GNB4: variants seen among roughly 807,000 people sequenced by gnomAD.
GNB4 encodes guanine nucleotide-binding protein subunit beta-4.
A neutral mutation model predicts 45.2 loss-of-function variants in GNB4; 28 were observed. The ratio of observed to expected loss-of-function variants is 0.62; its 90% CI spans 0.46 to 0.85. The LOEUF (loss-of-function observed/expected upper bound fraction) is 0.85, where lower values mean the gene tolerates loss of function less well. Among genes scored for constraint, GNB4 ranks in the 40% least tolerant of loss-of-function variants. The pLI, the probability that GNB4 is intolerant of heterozygous loss-of-function variation, is 0.00. For missense variants in GNB4, 321 were observed against 425.4 expected, an observed-to-expected ratio of 0.75 and a Z score of 2.16; for synonymous variants, 132 against 143.7, an observed-to-expected ratio of 0.92 and a Z score of 0.58.
the GNB4 span, among the ~76,000 whole-genome samples, chr3:179,515,421 G>A: frequency 1.3e-5 from 2 of 152,186 alleles, no homozygotes; most frequent in African/African-American, 4.8e-5. Context: ...AGGGAGATAG[G>A]GGTGGGGCTG....
the GNB4 span, among the ~76,000 whole-genome samples, chr3:179,519,194 C>T: frequency 6.6e-6 from 1 of 152,242 alleles, no homozygotes; most frequent in African/African-American, 2.4e-5. Flanking sequence ...GGATTCCTCC[C>T]AAGCCATGTG....
chr3:179,438,221 AC>A (rs1384004279), intron 1 of GNB4, among the ~76,000 whole-genome samples: 1 of 152,238 alleles, frequency 6.6e-6, no homozygotes, highest in East Asian at 1.9e-4. Context: ...TCTCAAAACA[AC>A]CTCAGAAGGT....
the GNB4 span, among the ~76,000 whole-genome samples, chr3:179,467,489 CTG>C: frequency 6.6e-6 from 1 of 152,114 alleles, no homozygotes; most frequent in African/African-American, 2.4e-5. Context: ...ACACTAGACT[CTG>C]GGGATTACAG....
intron 1 of GNB4, among the ~76,000 whole-genome samples, chr3:179,438,171 G>A (rs1003214375): frequency 6.6e-6 from 1 of 152,142 alleles, no homozygotes; most frequent in Admixed American, 6.5e-5. Context: ...CATTTATTAC[G>A]TGTATGTACA....
At chr3:179,471,110 C>A in the GNB4 span, among the ~76,000 whole-genome samples, 1 of 150,500 alleles carries the variant, frequency 6.6e-6, no homozygotes, top group Non-Finnish European at 1.5e-5. Context: ...ACCCAGGAGG[C>A]GGAGCTTGCA....
intron 2 of GNB4, among the ~76,000 whole-genome samples, chr3:179,425,939 G>T (rs924188687): frequency 6.6e-6 from 1 of 152,180 alleles, no homozygotes; most frequent in Admixed American, 6.5e-5. Flanking sequence ...TTCTACATAG[G>T]TACTTGTTCG....
chr3:179,450,956 C>G (rs1005823677), intron 1 of GNB4: 1 of 152,260 alleles, frequency 6.6e-6, no homozygotes, highest in South Asian at 2.1e-4. Flanking sequence ...CCCGAATACC[C>G]GTTATTTTGG....
In GNB4 at chr3:179,399,631, TAATA is replaced by T. The variant is rs1714225164; in HGVS notation, c.*1578_*1581del. On this transcript the variant is annotated 3_prime_UTR_variant, in exon 10 of 10. Coordinates refer to ENST00000232564, the MANE Select transcript of GNB4 (RefSeq NM_021629.4). ...TATTATTCTAATTGTCAACTGATTT[TAATA>T]AAACTGATACATCTTTACAGTTGAT... 6.6e-6 allele frequency: 1 copy of T among 152,360 alleles called. No individual in the cohort carries two copies. Among genetic ancestry groups the T allele is most frequent in the South Asian group, 2.1e-4 (1 of 4,830 alleles). 9.4% of individuals were successfully genotyped at this position (152,360 alleles called of 1,614,324 possible).
At chr3:179,465,579 A>G in the GNB4 span, among the ~76,000 whole-genome samples, 1 of 152,036 alleles carries the variant, frequency 6.6e-6, no homozygotes, top group African/African-American at 2.4e-5. Flanking sequence ...ATTTTTTAAG[A>G]GTTTGAGTTA....
chr3:179,404,806 A>G (rs6804994), intron 9 of GNB4, among the ~76,000 whole-genome samples: 24 of 152,286 alleles, frequency 1.6e-4, no homozygotes, highest in African/African-American at 5.8e-4. Context: ...GGCTAAGGGA[A>G]GCGACAGGTC....
chr3:179,459,171 AC>A, the GNB4 span, among the ~76,000 whole-genome samples: 3 of 152,090 alleles, frequency 2.0e-5, no homozygotes, highest in Non-Finnish European at 4.4e-5. Context: ...ACTCTTCCCA[AC>A]CCCCCATCTT....
In GNB4 at chr3:179,449,157, C is replaced by T. The variant is rs112363420; in HGVS notation, c.-43+2189G>A. 3.2e-3 allele frequency among the ~76,000 whole-genome samples: 491 copies of T among 152,266 alleles called. 8 individuals are homozygous for T. The highest frequency in any genetic ancestry group is 0.011 in the African/African-American group (462 of 41,538). ...TCATATCCCAAAATTGACCGCAATC[C>T]TGTTTGTAACCTTCCAAATTAGTTA... On this transcript the variant is annotated intron_variant, in intron 1 of 9. Transcript: ENST00000232564.
chr3:179,447,640 G>A (rs368007852), intron 1 of GNB4, among the ~76,000 whole-genome samples: 1 of 152,166 alleles, frequency 6.6e-6, no homozygotes, highest in Non-Finnish European at 1.5e-5. Context: ...CAAACCAGTT[G>A]GGGGGCTCCT....
chr3:179,522,470 C>T, the GNB4 span, among the ~76,000 whole-genome samples: 45 of 142,870 alleles, frequency 3.1e-4, no homozygotes, highest in Admixed American at 2.3e-3. Context: ...TCTCTTCGCA[C>T]GGACGCGAGT....
At chr3:179,413,157 G>A (rs184043214) in intron 8 of GNB4, among the ~76,000 whole-genome samples, 176 of 151,908 alleles carry the variant, frequency 1.2e-3, no homozygotes, top group East Asian at 5.8e-4. Context: ...CAGCCTGGAC[G>A]ACAGAGCAAG....
chr3:179,464,159 A>C, the GNB4 span, among the ~76,000 whole-genome samples: 2 of 152,158 alleles, frequency 1.3e-5, no homozygotes, highest in Non-Finnish European at 2.9e-5. Context: ...GGCCAAGGGC[A>C]TTCCAAAGTT....
In GNB4 at chr3:179,401,445, AAATAAT is replaced by A. The variant is rs3832243; in HGVS notation, c.917-132_917-127del. 6,929 of 437,262 alleles carry A rather than the reference AAATAAT, an allele frequency of 0.016. 124 individuals are homozygous for A. The highest frequency in any genetic ancestry group is 0.064 in the South Asian group (703 of 10,918). 27.1% of individuals were successfully genotyped at this position (437,262 alleles called of 1,614,324 possible). A position where few individuals can be genotyped will look rare whatever the true frequency, so the allele number is the denominator to read the frequency against. ...TTTTCTTGAAAGTTCATCAGTTAAA[AAATAAT>A]AATAATTTAAAAGAAAACAACAAAT... On this transcript the variant is annotated intron_variant, in intron 9 of 9. Coordinates refer to ENST00000232564, the MANE Select transcript of GNB4 (RefSeq NM_021629.4).
chr3:179,407,960 C>T (rs1347769733), intron 8 of GNB4, among the ~76,000 whole-genome samples: 1 of 152,174 alleles, frequency 6.6e-6, no homozygotes, highest in African/African-American at 2.4e-5. Flanking sequence ...ATTAAGCACA[C>T]ACGGTGTGAC....
chr3:179,451,816 C>T (rs1358073102), upstream of GNB4, among the ~76,000 whole-genome samples: 1 of 152,170 alleles, frequency 6.6e-6, no homozygotes, highest in Non-Finnish European at 1.5e-5. Flanking sequence ...CTGACAGGCG[C>T]CAGTTTGCTT....
Sources: allele counts gnomAD v4.1 joint callset (sites outside exome capture counted in the v4.1 genomes callset), GRCh38; gene constraint gnomAD v4.1.1; transcripts MANE v1.5; gene names NCBI Gene and HGNC (gene_info 2026-07-23, HGNC 2026-07-21).